TYW1B: variants seen among roughly 807,000 people sequenced by gnomAD.
TYW1B encodes S-adenosyl-L-methionine-dependent tRNA 4-demethylwyosine synthase TYW1B.
Under a neutral mutation model 86.9 loss-of-function variants are expected in TYW1B, and 73 were observed. That is an observed-to-expected ratio of 0.84 (90% CI 0.70 to 1.02). The LOEUF (loss-of-function observed/expected upper bound fraction) is 1.02, where lower values mean the gene tolerates loss of function less well. Among genes scored for constraint, TYW1B ranks in the 50% least tolerant of loss-of-function variants. The pLI is 0.00. For synonymous variants in TYW1B, 248 were observed against 292.8 expected, an observed-to-expected ratio of 0.85 and a Z score of 1.56; for missense variants, 637 against 827.4, an observed-to-expected ratio of 0.77 and a Z score of 2.82.
At chr7:72,601,225 A>T (rs1253773454) in intron 13 of TYW1B, among the ~76,000 whole-genome samples, 2 of 152,120 alleles carry the variant, frequency 1.3e-5, no homozygotes, top group African/African-American at 4.8e-5. Context: ...ATAACACAAA[A>T]TACACAGATG....
At chr7:72,656,653 T>A (rs1563048317) in intron 11 of TYW1B, among the ~76,000 whole-genome samples, 1 of 151,914 alleles carries the variant, frequency 6.6e-6, no homozygotes, top group African/African-American at 2.4e-5. Context: ...GCTGGGTAAT[T>A]TATGAAGAAA....
chr7:72,820,701 C>CA (rs1292445796), intron 2 of TYW1B, among the ~76,000 whole-genome samples: 1 of 152,240 alleles, frequency 6.6e-6, no homozygotes, highest in Admixed American at 6.5e-5. Flanking sequence ...ACCCCTCCCC[C>CA]AGGGATTCAT....
chr7:72,601,472 CTTAA>C (rs1368127035), intron 13 of TYW1B, among the ~76,000 whole-genome samples: 1 of 152,058 alleles, frequency 6.6e-6, no homozygotes, highest in Non-Finnish European at 1.5e-5. Context: ...TTTTACAACA[CTTAA>C]CATAATCCTA....
intron 13 of TYW1B, among the ~76,000 whole-genome samples, chr7:72,613,186 G>C (rs1352926811): frequency 6.6e-6 from 1 of 152,098 alleles, no homozygotes; most frequent in Non-Finnish European, 1.5e-5. Context: ...AGAAAATATA[G>C]TATCTGCCTA....
At chr7:72,644,324 C>A (rs573559022) in intron 11 of TYW1B, among the ~76,000 whole-genome samples, 1 of 151,984 alleles carries the variant, frequency 6.6e-6, no homozygotes, top group South Asian at 2.1e-4. Flanking sequence ...TTGACGTGGG[C>A]GGATCACAAG....
chr7:72,720,795 A>G (rs1257580165), intron 9 of TYW1B, among the ~76,000 whole-genome samples: 1 of 152,080 alleles, frequency 6.6e-6, no homozygotes, highest in Non-Finnish European at 1.5e-5. Context: ...CATGTGAGCA[A>G]TGTGCAGGTT....
chr7:72,714,604 C>T (rs1387030971), intron 9 of TYW1B, among the ~76,000 whole-genome samples: 2 of 151,694 alleles, frequency 1.3e-5, no homozygotes, highest in Non-Finnish European at 2.9e-5. Flanking sequence ...GCCTGGATGA[C>T]AGAGCAAGGC....
chr7:72,629,063 T>G, intron 11 of TYW1B, 66 bp from the exon 12 acceptor site: 1 of 1,482,480 alleles, frequency 6.7e-7, no homozygotes, highest in South Asian at 1.3e-5. Flanking sequence ...CCTAGAGGGT[T>G]TCTCAAGCTT....
rs1345650693 is a variant in TYW1B at position 72,608,585 on chromosome 7, G to C, written c.1785+8087C>G. ...GAAATAAAAATGGAATTCTAAAATA[G>C]ATTGGCAGAGTAGACTAAAAAAGTA... On this transcript the variant is annotated intron_variant, in intron 13 of 13. Transcript: ENST00000620995. 2.2e-4 allele frequency among the ~76,000 whole-genome samples: 34 copies of C among 152,190 alleles called. 1 individual carries two copies. The highest frequency in any genetic ancestry group is 1.8e-3 in the Admixed American group (28 of 15,270).
rs1260894195 is a variant in TYW1B at position 72,593,153 on chromosome 7, A to G, written c.1786-17434T>C. Among the ~76,000 whole-genome samples the G allele has an allele frequency of 7.2e-5, 11 of 152,186 alleles. No homozygotes were observed. The East Asian group carries it at 2.1e-3, about 29-fold the overall frequency. On this transcript the variant is annotated intron_variant, in intron 13 of 13. Coordinates refer to ENST00000620995, the MANE Select transcript of TYW1B (RefSeq NM_001145440.3). ...ACTAAAAATACAAAATTAGCTGGGC[A>G]TGGTGGCACATGCCTGTAATCCCAG... is the stretch of plus-strand genomic sequence containing the variant.
intron 11 of TYW1B, among the ~76,000 whole-genome samples, chr7:72,630,030 G>A (rs1182125666): frequency 2.0e-5 from 3 of 152,154 alleles, no homozygotes; most frequent in African/African-American, 4.8e-5. Flanking sequence ...TGTAATCCCA[G>A]CACTTTGGGA....
intron 10 of TYW1B, among the ~76,000 whole-genome samples, chr7:72,703,585 T>C (rs1563065066): frequency 6.6e-6 from 1 of 151,840 alleles, no homozygotes; most frequent in African/African-American, 2.4e-5. Flanking sequence ...CCAGACGCGG[T>C]GGCTCATGCC....
intron 5 of TYW1B, among the ~76,000 whole-genome samples, chr7:72,803,056 CA>C (rs1156712812): frequency 6.6e-6 from 1 of 152,040 alleles, no homozygotes; most frequent in Non-Finnish European, 1.5e-5. Context: ...GGGAACATAG[CA>C]AGACCACATT....
intron 13 of TYW1B, among the ~76,000 whole-genome samples, chr7:72,582,983 T>C (rs1460198205): frequency 6.6e-6 from 1 of 152,092 alleles, no homozygotes; most frequent in African/African-American, 2.4e-5. Flanking sequence ...GGTATGTGTA[T>C]GTTAGGAGGG....
chr7:72,589,401 G>C (rs1321707709), intron 13 of TYW1B, among the ~76,000 whole-genome samples: 4 of 152,162 alleles, frequency 2.6e-5, no homozygotes, highest in African/African-American at 9.7e-5. Flanking sequence ...GAAATACCTC[G>C]ATTTAGAGTT....
intron 6 of TYW1B, among the ~76,000 whole-genome samples, chr7:72,791,499 C>A (rs181931936): frequency 6.6e-6 from 1 of 151,992 alleles, no homozygotes; most frequent in Admixed American, 6.6e-5. Context: ...TAGAACAGGA[C>A]GGGCACAGTG....
Position 72,713,849 on chromosome 7 carries a change from T to C in TYW1B, c.1193-51A>G. ...AGCTACATAAGGCACAGATAGAGGA[T>C]GTCACGTTTTTCTTAATGATGCTTT... is the stretch of plus-strand genomic sequence containing the variant. On this transcript the variant is annotated intron_variant, in intron 9 of 13. Transcript: ENST00000620995. 2.0e-6 allele frequency: 3 copies of C among 1,497,348 alleles called. No individual in the cohort carries two copies. The South Asian group carries it at 4.2e-5, about 21-fold the overall frequency. 92.8% of individuals were successfully genotyped at this position (1,497,348 alleles called of 1,614,324 possible).
At chr7:72,672,021 G>C (rs1212378451) in intron 11 of TYW1B, among the ~76,000 whole-genome samples, 1 of 135,716 alleles carries the variant, frequency 7.4e-6, no homozygotes, top group East Asian at 2.1e-4. Context: ...TTCCCACGTT[G>C]TGGGGGGACC....
At chr7:72,799,151 C>CTTT (rs1309407026) in intron 6 of TYW1B, among the ~76,000 whole-genome samples, 12 of 58,580 alleles carry the variant, frequency 2.0e-4, no homozygotes, top group African/African-American at 4.1e-4. Context: ...CCGGGTCTGC[C>CTTT]TTTTTTTTTT....
Sources: allele counts gnomAD v4.1 joint callset (sites outside exome capture counted in the v4.1 genomes callset), GRCh38; gene constraint gnomAD v4.1.1; transcripts MANE v1.5; gene names NCBI Gene and HGNC (gene_info 2026-07-23, HGNC 2026-07-21).